Variants in FRMD3 observed in about 807,000 individuals in gnomAD.
The protein encoded by FRMD3 is FERM domain-containing protein 3.
FRMD3 carries 33 observed loss-of-function variants against 70.2 expected under a neutral mutation model. That is an observed-to-expected ratio of 0.47 (90% CI 0.36 to 0.63). The LOEUF is 0.63. FRMD3 is among the 20% of genes least tolerant of loss of function. FRMD3 has a pLI of 0.00. For missense variants in FRMD3, 632 were observed against 711.4 expected (o/e 0.89, Z 1.27); for synonymous variants, 279 against 255.9 (o/e 1.09, Z -0.86).
At chr9:83,381,635 T>C (rs1333193744) in intron 2 of FRMD3, among the ~76,000 whole-genome samples, 1 of 152,068 alleles carries the variant, frequency 6.6e-6, no homozygotes, top group Non-Finnish European at 1.5e-5. Flanking sequence ...GTTTTTGTAT[T>C]CTAGGGTCTC....
chr9:83,467,542 A>G lies in FRMD3; in HGVS notation c.147+70543T>C. The G allele has an allele frequency of 6.6e-6, 6 of 914,604 alleles. No homozygotes were observed. In the South Asian group the frequency reaches 8.4e-5, roughly 13 times the overall value. 56.7% of individuals were successfully genotyped at this position (914,604 alleles called of 1,614,324 possible). On this transcript the variant is annotated intron_variant, in intron 1 of 13. Transcript: ENST00000304195. ...CAGTGAAAATAATTCAAAACATTGC[A>G]TAGTAACTCATGACATGCATTATGT...
intron 10 of FRMD3, among the ~76,000 whole-genome samples, chr9:83,302,490 G>C (rs1173092254): frequency 6.6e-6 from 1 of 152,150 alleles, no homozygotes; most frequent in Non-Finnish European, 1.5e-5. Flanking sequence ...ATTAAAGGGG[G>C]AGGGTGTCAT....
chr9:83,545,745 GAGA>G, the FRMD3 span, among the ~76,000 whole-genome samples: 1 of 152,132 alleles, frequency 6.6e-6, no homozygotes, highest in Non-Finnish European at 1.5e-5. Flanking sequence ...ATCCCTGAGG[GAGA>G]AGAAGAAAAA....
At chr9:83,445,455 G>A (rs1343498062) in intron 1 of FRMD3, among the ~76,000 whole-genome samples, 1 of 152,098 alleles carries the variant, frequency 6.6e-6, no homozygotes, top group African/African-American at 2.4e-5. Context: ...TGCTCCAAAG[G>A]GCACCGGAAG....
At position 83,414,218 on chromosome 9, in the gene FRMD3, C is replaced by T. The variant is rs984092948; in HGVS notation, c.148-24510G>A. On this transcript the variant is annotated intron_variant, in intron 1 of 13. Coordinates refer to ENST00000304195, the MANE Select transcript of FRMD3 (RefSeq NM_174938.6). ...TGGAAATGTTCTAAAATTAGATTGG[C>T]GAGATGGTTGCACAACTCTGTAAAT... Among the ~76,000 whole-genome samples, 11 of 151,984 alleles carry T rather than the reference C, an allele frequency of 7.2e-5. No homozygotes were observed. The South Asian group carries it at 1.5e-3, about 20-fold the overall frequency.
At chr9:83,257,110 T>C (rs1287762786) in intron 13 of FRMD3, among the ~76,000 whole-genome samples, 1 of 152,094 alleles carries the variant, frequency 6.6e-6, no homozygotes, top group Non-Finnish European at 1.5e-5. Context: ...AGCAAAGACA[T>C]GGAATCAAAC....
At chr9:83,346,255 C>CAAAAAAAAAAAAAAAAA in intron 4 of FRMD3, among the ~76,000 whole-genome samples, 1 of 62,146 alleles carries the variant, frequency 1.6e-5, no homozygotes, top group Non-Finnish European at 2.9e-5. Flanking sequence ...GACGCCATCT[C>CAAAAAAAAAAAAAAAAA]AAAAAAAAAA....
chr9:83,286,939 T>A (rs888821767), intron 13 of FRMD3, among the ~76,000 whole-genome samples: 12 of 152,188 alleles, frequency 7.9e-5, no homozygotes, highest in Non-Finnish European at 1.3e-4. Flanking sequence ...TAGTCTCATC[T>A]TTAACATAAA....
At chr9:83,563,067 C>CA in the FRMD3 span, among the ~76,000 whole-genome samples, 3 of 151,616 alleles carry the variant, frequency 2.0e-5, no homozygotes, top group African/African-American at 7.3e-5. Context: ...GTATTATGCC[C>CA]AAAATTACAC....
At chr9:83,309,700 G>C (rs1835279584) in intron 9 of FRMD3, 76 bp from the exon 10 acceptor site, 2 of 786,280 alleles carry the variant, frequency 2.5e-6, no homozygotes, top group East Asian at 2.7e-5. Flanking sequence ...TTTTTTTCAG[G>C]TGTTTACCTC....
chr9:83,374,299 AC>A (rs1396820904), intron 2 of FRMD3, among the ~76,000 whole-genome samples: 4 of 151,508 alleles, frequency 2.6e-5, no homozygotes, highest in African/African-American at 9.7e-5. Context: ...TAATCTAGAA[AC>A]CACTGAGGGT....
chr9:83,538,397 G>A lies in FRMD3; in HGVS notation c.-166C>T. The A allele has an allele frequency of 2.0e-6, 1 of 488,676 alleles. No homozygotes were observed. The highest frequency in any genetic ancestry group is 3.2e-6 in the Non-Finnish European group (1 of 312,718). The allele number at this position is 488,676 out of a possible 1,614,324, so 30.3% of individuals were successfully genotyped here. A position where few individuals can be genotyped will look rare whatever the true frequency, so the allele number is the denominator to read the frequency against. On this transcript the variant is annotated 5_prime_UTR_variant, in exon 1 of 14. Coordinates refer to ENST00000304195, the MANE Select transcript of FRMD3 (RefSeq NM_174938.6). The surrounding 1 kb of genome is among the most constrained non-coding windows in gnomAD (Gnocchi z 4.7). ...GACACACATGCCCAGCGGCCGGGGC[G>A]CGGCGGGCGGGTCCCTCCCTCTGTT...
rs142454621 is a variant in FRMD3, at chr9:83,244,789, A to C, written c.*3129T>G. On this transcript the variant is annotated 3_prime_UTR_variant, in exon 14 of 14. Transcript: ENST00000304195. Reference sequence around the variant, plus strand: ...TTTCAATGAAATAAACTCATTGTGAATTCACCCCGAGTTGTGTTTATAAAT... The same window carrying C: ...TTTCAATGAAATAAACTCATTGTGACTTCACCCCGAGTTGTGTTTATAAAT... 80 of 985,330 alleles carry C rather than the reference A, an allele frequency of 8.1e-5. 2 individuals are homozygous for C. In the East Asian group the frequency reaches 5.7e-3, roughly 70 times the overall value. 61.0% of individuals were successfully genotyped at this position (985,330 alleles called of 1,614,324 possible). A position where few individuals can be genotyped will look rare whatever the true frequency, so the allele number is the denominator to read the frequency against.
the FRMD3 span, among the ~76,000 whole-genome samples, chr9:83,581,767 C>T: frequency 1.3e-5 from 2 of 152,092 alleles, no homozygotes; most frequent in African/African-American, 4.8e-5. Flanking sequence ...CATACAATAG[C>T]ATATTATTTT....
chr9:83,366,135 T>A (rs951036927), intron 3 of FRMD3, among the ~76,000 whole-genome samples: 1 of 151,848 alleles, frequency 6.6e-6, no homozygotes, highest in African/African-American at 2.4e-5. Flanking sequence ...TCTGGCCTTA[T>A]GATGCCATTC....
chr9:83,328,953 G>A (rs1836135177), intron 6 of FRMD3, among the ~76,000 whole-genome samples: 1 of 152,172 alleles, frequency 6.6e-6, no homozygotes, highest in African/African-American at 2.4e-5. Flanking sequence ...AATGTATTAA[G>A]TAATGGCTGA....
chr9:83,486,804 ATTAG>A (rs764531482), intron 1 of FRMD3, among the ~76,000 whole-genome samples: 17 of 152,322 alleles, frequency 1.1e-4, no homozygotes, highest in Admixed American at 2.0e-4. Context: ...ATAAGGGAAC[ATTAG>A]TTAATGTTTC....
chr9:83,292,609 T>C (rs907749144), intron 12 of FRMD3, among the ~76,000 whole-genome samples: 14 of 152,182 alleles, frequency 9.2e-5, no homozygotes, highest in African/African-American at 3.4e-4. Context: ...CCAGTCTTGA[T>C]CACTACTTTA....
intron 1 of FRMD3, among the ~76,000 whole-genome samples, chr9:83,392,078 G>GAA (rs201914348): frequency 5.1e-5 from 7 of 137,910 alleles, no homozygotes; most frequent in African/African-American, 1.9e-4. Flanking sequence ...CCACCACAAA[G>GAA]AAAAAAAAAA....
Sources: gnomAD v4.1 joint callset for allele counts (sites outside exome capture counted in the v4.1 genomes callset) on GRCh38, gnomAD v4.1.1 for gene constraint, Gnocchi (gnomAD v3.1) non-coding constraint, MANE v1.5 for transcripts, NCBI Gene and HGNC (gene_info 2026-07-23, HGNC 2026-07-21) for gene names.